The following NKAIN2 variants were observed in gnomAD, a reference collection of about 807,000 sequenced individuals.
NKAIN2 encodes sodium/potassium transporting ATPase interacting 2, also known as sodium/potassium-transporting ATPase subunit beta-1-interacting protein 2.
Under a neutral mutation model 32.6 loss-of-function variants are expected in NKAIN2, and 14 were observed. The ratio of observed to expected loss-of-function variants is 0.43; its 90% CI spans 0.28 to 0.67. The LOEUF (loss-of-function observed/expected upper bound fraction) is 0.67, where lower values mean the gene tolerates loss of function less well. Ranked by LOEUF, NKAIN2 falls within the 30% of genes least tolerant of loss-of-function variation. The probability of loss-of-function intolerance (pLI) is 0.17; values close to 1 mark genes in which losing one functional copy is unlikely to be tolerated. For synonymous variants in NKAIN2, 80 were observed against 87.2 expected, an observed-to-expected ratio of 0.92 and a Z score of 0.46; for missense variants, 198 against 258.3, an observed-to-expected ratio of 0.77 and a Z score of 1.60.
At chr6:124,373,429 A>C (rs1799855594) in intron 3 of NKAIN2, among the ~76,000 whole-genome samples, 2 of 152,186 alleles carry the variant, frequency 1.3e-5, no homozygotes, top group Admixed American at 1.3e-4. Context: ...CAGTGTTGTC[A>C]AGCAGGGTGT....
intron 5 of NKAIN2, among the ~76,000 whole-genome samples, chr6:124,806,719 T>G: frequency 6.6e-6 from 1 of 152,060 alleles, no homozygotes. Flanking sequence ...TCAAGACCCA[T>G]CAGTGTGCTG....
At chr6:124,808,681 G>A (rs1780719978) in intron 5 of NKAIN2, among the ~76,000 whole-genome samples, 1 of 152,184 alleles carries the variant, frequency 6.6e-6, no homozygotes, top group Admixed American at 6.5e-5. Context: ...TAGGAAAAGA[G>A]GAAGTCAAAT....
At chr6:123,838,018 A>T (rs1385187279) in intron 1 of NKAIN2, among the ~76,000 whole-genome samples, 1 of 152,174 alleles carries the variant, frequency 6.6e-6, no homozygotes, top group Admixed American at 6.6e-5. Flanking sequence ...CTTGCAGAAG[A>T]AACAAGACTT....
At chr6:124,599,247 CA>C (rs920557163) in intron 3 of NKAIN2, among the ~76,000 whole-genome samples, 57 of 146,110 alleles carry the variant, frequency 3.9e-4, no homozygotes, top group Admixed American at 2.0e-3. Flanking sequence ...AATAAAAACT[CA>C]AAAAAAAAGC....
chr6:124,716,426 G>C (rs1208421122), intron 4 of NKAIN2, among the ~76,000 whole-genome samples: 3 of 152,180 alleles, frequency 2.0e-5, no homozygotes, highest in Non-Finnish European at 4.4e-5. Context: ...CAGAGTCTGA[G>C]AATATCAGTT....
At chr6:124,504,805 G>C (rs1156339857) in intron 3 of NKAIN2, among the ~76,000 whole-genome samples, 2 of 152,164 alleles carry the variant, frequency 1.3e-5, no homozygotes, top group Non-Finnish European at 2.9e-5. Flanking sequence ...TTTTTGCTCA[G>C]ATTTTAGAAG....
At chr6:124,344,782 G>A (rs1414275345) in intron 2 of NKAIN2, among the ~76,000 whole-genome samples, 1 of 152,110 alleles carries the variant, frequency 6.6e-6, no homozygotes, top group Non-Finnish European at 1.5e-5. Context: ...CTGCAAACAG[G>A]GACAATTTGA....
At chr6:124,116,984 G>A (rs34474286) in intron 1 of NKAIN2, among the ~76,000 whole-genome samples, 2 of 152,038 alleles carry the variant, frequency 1.3e-5, no homozygotes, top group African/African-American at 4.8e-5. Context: ...ATGTACAGGA[G>A]AATACGGGAT....
At chr6:124,032,366 A>T (rs915066707) in intron 1 of NKAIN2, among the ~76,000 whole-genome samples, 2 of 151,980 alleles carry the variant, frequency 1.3e-5, no homozygotes, top group Non-Finnish European at 2.9e-5. Flanking sequence ...CATATGTAAC[A>T]AACCTGCATG....
At chr6:124,209,307 C>T (rs1355928714) in intron 1 of NKAIN2, among the ~76,000 whole-genome samples, 1 of 151,676 alleles carries the variant, frequency 6.6e-6, no homozygotes, top group Non-Finnish European at 1.5e-5. Context: ...GAGTTCATTC[C>T]TTTTTATGGC....
chr6:123,924,250 C>G (rs1226375397), intron 1 of NKAIN2, among the ~76,000 whole-genome samples: 1 of 152,198 alleles, frequency 6.6e-6, no homozygotes, highest in Non-Finnish European at 1.5e-5. Context: ...ATCTGGGTGG[C>G]AGTAATGCCG....
rs1287479064 is a variant in NKAIN2, at chr6:124,089,877, G to T, written c.55-193128G>T. On this transcript the variant is annotated intron_variant, in intron 1 of 6. Coordinates refer to ENST00000368417, the MANE Select transcript of NKAIN2 (RefSeq NM_001040214.3). ...ATTCTGAAATATACAGTTTATGTAA[G>T]TTGCCCAGTGTTAGTACTAAGTGGC... Among the ~76,000 whole-genome samples the T allele has an allele frequency of 2.6e-5, 4 of 151,850 alleles. No individual in the cohort carries two copies. The East Asian group carries it at 5.8e-4, about 22-fold the overall frequency.
chr6:124,415,000 T>C (rs1288450691), intron 3 of NKAIN2, among the ~76,000 whole-genome samples: 1 of 152,188 alleles, frequency 6.6e-6, no homozygotes, highest in East Asian at 1.9e-4. Flanking sequence ...TTGCTTTTTC[T>C]ATCGTCTCAC....
At chr6:123,808,040 A>C (rs2114854956) in intron 1 of NKAIN2, among the ~76,000 whole-genome samples, 1 of 152,300 alleles carries the variant, frequency 6.6e-6, no homozygotes, top group East Asian at 1.9e-4. Flanking sequence ...GACTAAATTA[A>C]AAACAATTTT....
Position 124,797,763 on chromosome 6 carries a change from T to C in NKAIN2, c.535+6364T>C, listed in dbSNP as rs1402152890. On this transcript the variant is annotated intron_variant, in intron 5 of 6. Transcript: ENST00000368417. ...GTTTGTCAGGATCATTGGATTTGAA[T>C]GCAGTTCTTTGAGCACAATCGCGTA... Among the ~76,000 whole-genome samples the C allele has an allele frequency of 2.0e-5, 3 of 152,306 alleles. No individual in the cohort carries two copies. In the East Asian group the frequency reaches 5.8e-4, roughly 29 times the overall value.
At chr6:124,182,267 G>A (rs1253123329) in intron 1 of NKAIN2, among the ~76,000 whole-genome samples, 1 of 152,124 alleles carries the variant, frequency 6.6e-6, no homozygotes, top group Non-Finnish European at 1.5e-5. Context: ...TGACATGTGG[G>A]AATTATGGGA....
chr6:123,968,266 G>T (rs1778186006), intron 1 of NKAIN2, among the ~76,000 whole-genome samples: 1 of 152,186 alleles, frequency 6.6e-6, no homozygotes, highest in South Asian at 2.1e-4. Context: ...GGGCCAGGGG[G>T]ACGGCTTTTC....
At chr6:124,113,200 C>A (rs1214877150) in intron 1 of NKAIN2, among the ~76,000 whole-genome samples, 1 of 152,030 alleles carries the variant, frequency 6.6e-6, no homozygotes, top group Admixed American at 6.6e-5. Flanking sequence ...TTCTGGTGGC[C>A]TCTATCAACT....
At chr6:124,096,776 T>C (rs1370727913) in intron 1 of NKAIN2, among the ~76,000 whole-genome samples, 1 of 144,882 alleles carries the variant, frequency 6.9e-6, no homozygotes, top group Non-Finnish European at 1.5e-5. Flanking sequence ...GGGAATGGCG[T>C]GAACCTGGGA....
Sources: allele counts gnomAD v4.1 joint callset (sites outside exome capture counted in the v4.1 genomes callset), GRCh38; gene constraint gnomAD v4.1.1; transcripts MANE v1.5; gene names NCBI Gene and HGNC (gene_info 2026-07-23, HGNC 2026-07-21).